Variants in UTP4 observed in about 807,000 individuals in gnomAD.
UTP4 encodes U3 small nucleolar RNA-associated protein 4 homolog.
A neutral mutation model predicts 82.4 loss-of-function variants in UTP4; 45 were observed. The observed-to-expected ratio is 0.55, with a 90% CI of 0.43 to 0.70. The LOEUF is 0.70. UTP4 is among the 30% of genes least tolerant of loss of function. The pLI, the probability that UTP4 is intolerant of heterozygous loss-of-function variation, is 0.00. For missense variants in UTP4, 819 were observed against 858.3 expected, an observed-to-expected ratio of 0.95 and a Z score of 0.57; for synonymous variants, 348 against 300.3, an observed-to-expected ratio of 1.16 and a Z score of -1.64.
intron 5 of UTP4, 47 bp downstream of exon 5, chr16:69,139,961 C>A: frequency 1.5e-6 from 2 of 1,374,548 alleles, no homozygotes; most frequent in Non-Finnish European, 2.1e-6. Context: ...TTGTCAGATT[C>A]ACATTTCTGA....
chr16:69,137,932 T>A, intron 4 of UTP4, 47 bp downstream of exon 4: 1 of 1,146,714 alleles, frequency 8.7e-7, no homozygotes, highest in African/African-American at 1.5e-5. Context: ...AACAAGAAAT[T>A]AAGTTTCTGT....
At chr16:69,161,171 A>G (rs1963553480) in intron 13 of UTP4, among the ~76,000 whole-genome samples, 1 of 152,238 alleles carries the variant, frequency 6.6e-6, no homozygotes, top group Non-Finnish European at 1.5e-5. Flanking sequence ...CAAGGTAAAC[A>G]TAATCAAAAC....
chr16:69,133,155 G>A (rs895152354), intron 1 of UTP4: 1 of 398,904 alleles, frequency 2.5e-6, no homozygotes, highest in African/African-American at 2.1e-5. Flanking sequence ...CTTAGCAATA[G>A]AGTTGAGGAG....
At chr16:69,147,125 T>C (rs1344245800) in intron 6 of UTP4, among the ~76,000 whole-genome samples, 1 of 148,938 alleles carries the variant, frequency 6.7e-6, no homozygotes, top group East Asian at 2.0e-4. Flanking sequence ...TGCAGTGAGC[T>C]GAGATCGTGC....
At chr16:69,145,329 C>T (rs1963079715) in intron 6 of UTP4, among the ~76,000 whole-genome samples, 1 of 151,988 alleles carries the variant, frequency 6.6e-6, no homozygotes, top group Middle Eastern at 3.4e-3. Flanking sequence ...GGTGCAGTCT[C>T]GGCTCACTAC....
intron 1 of UTP4, 151 bp downstream of exon 1, chr16:69,132,840 G>C (rs1962665527): frequency 4.9e-6 from 1 of 202,280 alleles, no homozygotes; most frequent in Non-Finnish European, 1.0e-5. Flanking sequence ...GACTCGGGGA[G>C]AGGGAAGGGG....
At chr16:69,147,631 A>G (rs1344490614) in intron 6 of UTP4, among the ~76,000 whole-genome samples, 1 of 151,720 alleles carries the variant, frequency 6.6e-6, no homozygotes, top group East Asian at 1.9e-4. Flanking sequence ...TTTTTTTTGG[A>G]TTTTGGAATA....
chr16:69,154,517 A>G (rs1963358544), intron 10 of UTP4, 60 bp downstream of exon 10: 2 of 1,256,196 alleles, frequency 1.6e-6, no homozygotes, highest in East Asian at 4.6e-5. Flanking sequence ...CATAATTCCC[A>G]TTCTGAATTT....
At chr16:69,135,116 T>G (rs1272734342) in intron 2 of UTP4, among the ~76,000 whole-genome samples, 1 of 152,138 alleles carries the variant, frequency 6.6e-6, no homozygotes, top group Non-Finnish European at 1.5e-5. Context: ...TTTAATGTCT[T>G]TCTTCCATGC....
In UTP4 at chr16:69,139,816, A is replaced by T; in HGVS notation, c.437-9A>T. The T allele has an allele frequency of 6.2e-7, 1 of 1,607,392 alleles. No homozygotes were observed. Among genetic ancestry groups the T allele is most frequent in the South Asian group, 1.1e-5 (1 of 90,914 alleles). ...TGTCACTTTCTTTTTTTGTTGTCCAACTCCCAAGGTCGCATCCTGAGTCTC... is the reference window on the plus strand; with the variant it reads ...TGTCACTTTCTTTTTTTGTTGTCCATCTCCCAAGGTCGCATCCTGAGTCTC... On this transcript the variant is annotated splice_polypyrimidine_tract_variant and intron_variant, in intron 4 of 16. Coordinates refer to ENST00000314423, the MANE Select transcript of UTP4 (RefSeq NM_032830.3).
At chr16:69,135,055 T>G (rs1440336981) in intron 2 of UTP4, among the ~76,000 whole-genome samples, 4 of 151,738 alleles carry the variant, frequency 2.6e-5, no homozygotes, top group Admixed American at 2.6e-4. Flanking sequence ...CATATTATGA[T>G]TTTTCTGTTT....
At position 69,156,865 on chromosome 16, in the gene UTP4, G is replaced by A. The variant is rs142245829; in HGVS notation, c.1288-219G>A. On this transcript the variant is annotated intron_variant, in intron 11 of 16. Coordinates refer to ENST00000314423, the MANE Select transcript of UTP4 (RefSeq NM_032830.3). ...AAGCTTTTCTGTTTAGTGGTTTCAC[G>A]TGCGACTTAGTTATTTCCTTGATAG... is the stretch of plus-strand genomic sequence containing the variant. Among the ~76,000 whole-genome samples the A allele has an allele frequency of 5.0e-3, 757 of 152,336 alleles. 3 individuals carry two copies. The highest frequency in any genetic ancestry group is 0.018 in the African/African-American group (736 of 41,574).
intron 8 of UTP4, among the ~76,000 whole-genome samples, chr16:69,151,270 G>A (rs1963256842): frequency 6.6e-6 from 1 of 151,294 alleles, no homozygotes; most frequent in Admixed American, 6.6e-5. Context: ...GCCTCCCAAA[G>A]TGCTGGTATT....
In UTP4 at chr16:69,160,443, A is replaced by G. The variant is rs1963533937; in HGVS notation, c.1532A>G (p.Tyr511Cys). Reference sequence around the variant, plus strand: ...GGTACCAGTGCTGGAGTCCATGTCTACAACGTAAAACAGCTAAAGGTGAGC... The same window carrying G: ...GGTACCAGTGCTGGAGTCCATGTCTGCAACGTAAAACAGCTAAAGGTGAGC... ...ASGTSAGVHVYNVKQLKLHCT... is the reference protein window; with the variant it reads ...ASGTSAGVHVCNVKQLKLHCT... Residue 511 changes from tyrosine to cysteine, a missense_variant, in exon 13 of 17, where the codon TAC (tyrosine) becomes TGC (cysteine). Transcript: ENST00000314423. The G allele has an allele frequency of 6.2e-7, 1 of 1,613,750 alleles. No homozygotes were observed. Among genetic ancestry groups the G allele is most frequent in the East Asian group, 2.2e-5 (1 of 44,898 alleles).
At chr16:69,150,342 C>T (rs545125131) in intron 6 of UTP4, among the ~76,000 whole-genome samples, 195 bp from the exon 7 acceptor site, 3 of 152,066 alleles carry the variant, frequency 2.0e-5, no homozygotes, top group African/African-American at 4.8e-5. Context: ...CAGTAGGGGG[C>T]GCATTGTTAC....
rs377455196 is a variant in UTP4, at chr16:69,156,040, A to C, written c.1287+47A>C. 6 of 1,598,058 alleles carry C rather than the reference A, an allele frequency of 3.8e-6. No homozygotes were observed. In the African/African-American group the frequency reaches 8.0e-5, roughly 21 times the overall value. Reference sequence around the variant, plus strand: ...GGTCACATAAGAGGAAACTTCCTAAATATGTCATTTTTGTGTGAAGTGGAA... The same window carrying C: ...GGTCACATAAGAGGAAACTTCCTAACTATGTCATTTTTGTGTGAAGTGGAA... On this transcript the variant is annotated intron_variant, in intron 11 of 16. Coordinates refer to ENST00000314423, the MANE Select transcript of UTP4 (RefSeq NM_032830.3).
chr16:69,137,575 T>C (rs1173602699), intron 3 of UTP4, among the ~76,000 whole-genome samples: 1 of 152,232 alleles, frequency 6.6e-6, no homozygotes, highest in African/African-American at 2.4e-5. Flanking sequence ...ACTCTTAATA[T>C]CAGTCTGTTT....
chr16:69,154,000 A>G (rs1357799676), intron 9 of UTP4, among the ~76,000 whole-genome samples: 1 of 152,206 alleles, frequency 6.6e-6, no homozygotes, highest in East Asian at 1.9e-4. Flanking sequence ...ACAAGATTTA[A>G]TGATGGGTAA....
chr16:69,165,108 C>T (rs1489781715), intron 14 of UTP4, among the ~76,000 whole-genome samples: 1 of 151,472 alleles, frequency 6.6e-6, no homozygotes, highest in African/African-American at 2.4e-5. Context: ...GGCAGGAGAA[C>T]GGCTTGAACC....
Sources: allele counts gnomAD v4.1 joint callset (sites outside exome capture counted in the v4.1 genomes callset), GRCh38; gene constraint gnomAD v4.1.1; transcripts MANE v1.5; gene names NCBI Gene and HGNC (gene_info 2026-07-23, HGNC 2026-07-21).